SLC22A3: variants seen among roughly 807,000 people sequenced by gnomAD.
SLC22A3 encodes the protein solute carrier family 22 member 3.
A neutral mutation model predicts 59.1 loss-of-function variants in SLC22A3; 51 were observed. The ratio of observed to expected loss-of-function variants is 0.86; its 90% CI spans 0.69 to 1.09. SLC22A3 has a LOEUF of 1.09. SLC22A3 is among the 50% of genes least tolerant of loss of function. SLC22A3 has a pLI of 0.00. For missense variants in SLC22A3, 711 were observed against 726.3 expected (o/e 0.98, Z 0.24); for synonymous variants, 325 against 292.0 (o/e 1.11, Z -1.15).
chr6:160,355,367 C>T (rs532333462), intron 1 of SLC22A3, among the ~76,000 whole-genome samples: 13 of 152,290 alleles, frequency 8.5e-5, no homozygotes, highest in African/African-American at 1.7e-4. Context: ...TCTTAGCCCC[C>T]GGGGCTCCCA....
At chr6:160,362,981 C>G (rs763454525) in intron 1 of SLC22A3, among the ~76,000 whole-genome samples, 11 of 152,372 alleles carry the variant, frequency 7.2e-5, no homozygotes, top group Non-Finnish European at 1.2e-4. Flanking sequence ...AGAGTTGTCT[C>G]TAATTGAGTG....
At chr6:160,419,831 T>C (rs895818406) in intron 5 of SLC22A3, among the ~76,000 whole-genome samples, 7 of 152,204 alleles carry the variant, frequency 4.6e-5, no homozygotes, top group Non-Finnish European at 1.0e-4. Flanking sequence ...ACACTGGACA[T>C]ACTCAACACA....
At chr6:160,396,849 A>C (rs930744479) in intron 1 of SLC22A3, among the ~76,000 whole-genome samples, 2 of 152,208 alleles carry the variant, frequency 1.3e-5, no homozygotes, top group African/African-American at 4.8e-5. Context: ...AATTTTAAAA[A>C]TTAAATGTCA....
At chr6:160,429,005 A>G (rs1165199384) in intron 5 of SLC22A3, among the ~76,000 whole-genome samples, 2 of 152,102 alleles carry the variant, frequency 1.3e-5, no homozygotes, top group Admixed American at 6.5e-5. Context: ...CTGACTAATG[A>G]GCTCATTATC....
intron 1 of SLC22A3, among the ~76,000 whole-genome samples, chr6:160,391,487 GTTC>G (rs1786254244): frequency 6.6e-6 from 1 of 152,136 alleles, no homozygotes; most frequent in African/African-American, 2.4e-5. Context: ...CATCATTCCA[GTTC>G]TTCATCTTAC....
chr6:160,439,016 G>C (rs1788449343), intron 7 of SLC22A3, among the ~76,000 whole-genome samples: 1 of 152,010 alleles, frequency 6.6e-6, no homozygotes, highest in African/African-American at 2.4e-5. Flanking sequence ...GAGGTTCCAG[G>C]TAGACATGAA....
chr6:160,406,136 G>A (rs373283346), intron 2 of SLC22A3, among the ~76,000 whole-genome samples: 1 of 152,276 alleles, frequency 6.6e-6, no homozygotes. Flanking sequence ...CCACTCCCAT[G>A]GGGAATGTTA....
intron 3 of SLC22A3, among the ~76,000 whole-genome samples, chr6:160,407,705 C>T (rs970192998): frequency 6.6e-6 from 1 of 152,084 alleles, no homozygotes; most frequent in East Asian, 1.9e-4. Context: ...CCTTCTATAG[C>T]CAGAAAGTTT....
chr6:160,442,813 C>G lies in SLC22A3; in HGVS notation c.1341C>G (p.Thr447=). 1.2e-6 allele frequency: 2 copies of G among 1,614,050 alleles called. No homozygotes were observed. The highest frequency in any genetic ancestry group is 2.2e-5 in the South Asian group (2 of 91,088). ...TVATLGRLGI[T]MAFEIVYLVN... is the part of the protein sequence containing the mutation. ...CTACATTGGGAAGACTAGGGATAAC[C>G]ATGGCCTTTGAAATTGTTTATTTGG... Residue 447 remains threonine (T), a synonymous_variant, in exon 8 of 11, where the codon ACC becomes ACG. Transcript: ENST00000275300.
At position 160,436,786 on chromosome 6, in the gene SLC22A3, G is replaced by A; in HGVS notation, c.982G>A (p.Val328Ile). 1 of 1,605,608 alleles carries A rather than the reference G, an allele frequency of 6.2e-7. No individual in the cohort carries two copies. Among genetic ancestry groups the A allele is most frequent in the Non-Finnish European group, 8.5e-7 (1 of 1,173,150 alleles). ...ATCTGCTTTTCTTATATAGATCACT[G>A]TTACAGATGAGGAAGTTAGTAATCC... ...YLSSNYSEIT[V>I]TDEEVSNPSF... Residue 328 changes from valine (V) to isoleucine (I), a missense_variant, in exon 6 of 11, where the codon GTT becomes ATT. Transcript: ENST00000275300.
intron 1 of SLC22A3, among the ~76,000 whole-genome samples, chr6:160,394,778 G>C (rs1786405773): frequency 6.6e-6 from 1 of 151,510 alleles, no homozygotes; most frequent in East Asian, 2.1e-4. Context: ...TTCCTGCAGT[G>C]TCCTGCCCTG....
chr6:160,375,331 T>C (rs1785550654), intron 1 of SLC22A3, among the ~76,000 whole-genome samples: 1 of 152,196 alleles, frequency 6.6e-6, no homozygotes, highest in South Asian at 2.1e-4. Flanking sequence ...GATAAAGACA[T>C]ATAAACTGCC....
At chr6:160,440,505 A>G (rs1562502753) in intron 7 of SLC22A3, among the ~76,000 whole-genome samples, 1 of 152,184 alleles carries the variant, frequency 6.6e-6, no homozygotes, top group East Asian at 1.9e-4. Context: ...CCACATTCAG[A>G]AGAAAACATT....
intron 10 of SLC22A3, among the ~76,000 whole-genome samples, chr6:160,448,491 T>C (rs1221279008): frequency 6.6e-6 from 1 of 152,012 alleles, no homozygotes; most frequent in East Asian, 1.9e-4. Flanking sequence ...AGGTAGATGA[T>C]AGGTAATGTC....
Position 160,348,412 on chromosome 6 carries a change from G to A in SLC22A3, c.-8G>A, listed in dbSNP as rs1351833034. ...CGCGGGCTGCGGGCGGCGGGCGGCGGGCGCACCATGCCCTCCTTCGACGAG... is the reference window on the plus strand; with the variant it reads ...CGCGGGCTGCGGGCGGCGGGCGGCGAGCGCACCATGCCCTCCTTCGACGAG... On this transcript the variant is annotated 5_prime_UTR_variant, in exon 1 of 11. Transcript: ENST00000275300. The A allele has an allele frequency of 6.9e-7, 1 of 1,451,764 alleles. No individual in the cohort carries two copies. The highest frequency in any genetic ancestry group is 9.0e-7 in the Non-Finnish European group (1 of 1,108,020). The allele number at this position is 1,451,764 out of a possible 1,614,324, so 89.9% of individuals were successfully genotyped here. A position where few individuals can be genotyped will look rare whatever the true frequency, so the allele number is the denominator to read the frequency against.
chr6:160,435,628 A>T (rs1788310060), intron 5 of SLC22A3, among the ~76,000 whole-genome samples: 1 of 152,196 alleles, frequency 6.6e-6, no homozygotes, highest in Non-Finnish European at 1.5e-5. Context: ...GTATGCTCTA[A>T]GTCAAATTCC....
intron 1 of SLC22A3, among the ~76,000 whole-genome samples, chr6:160,359,632 G>T (rs901240963): frequency 2.0e-5 from 3 of 152,118 alleles, no homozygotes; most frequent in African/African-American, 7.2e-5. Context: ...CATCAAACAG[G>T]ATATTTTATG....
At chr6:160,407,887 T>G (rs1390397984) in intron 3 of SLC22A3, among the ~76,000 whole-genome samples, 1 of 152,184 alleles carries the variant, frequency 6.6e-6, no homozygotes. Flanking sequence ...CTTAGATTAT[T>G]GCTGCAGATC....
chr6:160,434,834 TG>T (rs1224416724), intron 5 of SLC22A3, among the ~76,000 whole-genome samples: 4 of 152,186 alleles, frequency 2.6e-5, no homozygotes, highest in African/African-American at 9.7e-5. Flanking sequence ...AACTTGCTAA[TG>T]AAACAAGGCC....
Sources: allele counts gnomAD v4.1 joint callset (sites outside exome capture counted in the v4.1 genomes callset), GRCh38; gene constraint gnomAD v4.1.1; transcripts MANE v1.5; gene names NCBI Gene and HGNC (gene_info 2026-07-23, HGNC 2026-07-21).